The following DYNC2H1 variants were observed in gnomAD, a reference collection of about 807,000 sequenced individuals.
DYNC2H1 encodes the protein dynein cytoplasmic 2 heavy chain 1.
DYNC2H1 carries 410 observed loss-of-function variants against 570.0 expected under a neutral mutation model. The ratio of observed to expected loss-of-function variants is 0.72; its 90% confidence interval spans 0.66 to 0.78. The LOEUF (loss-of-function observed/expected upper bound fraction) is 0.78, where lower values mean the gene tolerates loss of function less well. DYNC2H1 is among the 30% of genes least tolerant of loss of function. The pLI, the probability that DYNC2H1 is intolerant of heterozygous loss-of-function variation, is 0.00. For missense variants in DYNC2H1, 4,865 were observed against 5,046.4 expected, an observed-to-expected ratio of 0.96 and a Z score of 1.09; for synonymous variants, 1,688 against 1,677.6, an observed-to-expected ratio of 1.01 and a Z score of -0.15.
chr11:103,150,377 T>C (rs11225571), intron 20 of DYNC2H1, among the ~76,000 whole-genome samples: 13,297 of 152,126 alleles, frequency 0.087, 757 homozygotes, highest in East Asian at 0.25. Flanking sequence ...TTGTATCATG[T>C]AGTGGTAGTG....
intron 70 of DYNC2H1, among the ~76,000 whole-genome samples, chr11:103,274,137 TATATATATATACACACAC>T (rs1865816651): frequency 1.5e-5 from 2 of 130,792 alleles, no homozygotes. Context: ...TGTGTGTGTA[TATATATATATACACACAC>T]ATATATATAT....
chr11:103,263,908 A>G (rs557337311), intron 70 of DYNC2H1, among the ~76,000 whole-genome samples: 1 of 152,312 alleles, frequency 6.6e-6, no homozygotes, highest in South Asian at 2.1e-4. Context: ...AAAAAAATCA[A>G]TGAATCCAGG....
At chr11:103,214,495 C>T (rs572887670) in intron 54 of DYNC2H1, among the ~76,000 whole-genome samples, 1 of 136,396 alleles carries the variant, frequency 7.3e-6, no homozygotes, top group South Asian at 2.3e-4. Context: ...CCCAGGCTGG[C>T]ATGTAATAGT....
intron 85 of DYNC2H1, 197 bp from the exon 86 acceptor site, chr11:103,454,989 A>G: frequency 2.0e-6 from 1 of 498,940 alleles, no homozygotes; most frequent in East Asian, 3.1e-5. Flanking sequence ...AAGGAATCGT[A>G]TTTAAGATGG....
At position 103,324,041 on chromosome 11, in the gene DYNC2H1, A is replaced by G. The variant is rs1392608133; in HGVS notation, c.12039+51A>G. The G allele has an allele frequency of 1.3e-5, 18 of 1,395,270 alleles. No homozygotes were observed. Among genetic ancestry groups the G allele is most frequent in the Admixed American group, 2.3e-5 (1 of 43,528 alleles). 86.4% of individuals were successfully genotyped at this position (1,395,270 alleles called of 1,614,324 possible). A position where few individuals can be genotyped will look rare whatever the true frequency, so the allele number is the denominator to read the frequency against. On this transcript the variant is annotated intron_variant, in intron 82 of 88. Transcript: ENST00000375735. This position sits in a 1 kb window ranked among gnomAD's most constrained non-coding sequence, Gnocchi z 5.2. ...CAAAAAAAGTTGCTAGTGAGCCTGA[A>G]GGAGACAAAATTAAACTTGATTTAG...
chr11:103,187,245 T>G, intron 42 of DYNC2H1, 95 bp from the exon 43 acceptor site: 1 of 1,507,144 alleles, frequency 6.6e-7, no homozygotes, highest in Non-Finnish European at 8.9e-7. Flanking sequence ...TTTTAGAAAC[T>G]GAAATATTTA....
At chr11:103,339,207 T>G (rs1376303105) in intron 82 of DYNC2H1, among the ~76,000 whole-genome samples, 1 of 151,922 alleles carries the variant, frequency 6.6e-6, no homozygotes, top group East Asian at 2.0e-4. Context: ...CTGCCTTGAG[T>G]TGGGGGAGGG....
rs1945166952 is a variant in DYNC2H1, at chr11:103,465,440, T to A, written c.12649-3149T>A. Among the ~76,000 whole-genome samples, 1 of 150,024 alleles carries A rather than the reference T, an allele frequency of 6.7e-6. No homozygotes were observed. The highest frequency in any genetic ancestry group is 1.5e-5 in the Non-Finnish European group (1 of 67,588). On this transcript the variant is annotated intron_variant, in intron 87 of 88. Coordinates refer to ENST00000375735, the MANE Select transcript of DYNC2H1 (RefSeq NM_001377.3). The surrounding 1 kb of genome is among the most constrained non-coding windows in gnomAD (Gnocchi z 4.9). Reference sequence around the variant, plus strand: ...AAATTTAATGCAATTTCAACCAGTATCCCAAAGTGTGTTTTGTTTTTTTTT... The same window carrying A: ...AAATTTAATGCAATTTCAACCAGTAACCCAAAGTGTGTTTTGTTTTTTTTT...
intron 57 of DYNC2H1, 145 bp from the exon 58 acceptor site, chr11:103,221,885 C>T (rs1014808527): frequency 1.6e-5 from 12 of 743,304 alleles, no homozygotes; most frequent in African/African-American, 5.4e-5. Context: ...AAGGATAATA[C>T]ATTAGAAGCT....
chr11:103,408,585 C>T (rs1436573565), intron 84 of DYNC2H1, among the ~76,000 whole-genome samples: 2 of 151,950 alleles, frequency 1.3e-5, no homozygotes, highest in African/African-American at 2.4e-5. Flanking sequence ...TAGAAACCGA[C>T]CTGGATTACT....
At position 103,233,830 on chromosome 11, in the gene DYNC2H1, A is replaced by ATATGTGTG. The variant is rs1555076328; in HGVS notation, c.9441-203_9441-202insATGTGTGT. On this transcript the variant is annotated intron_variant, in intron 60 of 88. Transcript: ENST00000375735. ...TTTGAGGTAGAGAATGCTACACTTT[A>ATATGTGTG]TGTGTGTGTGTGTGTGTGTGTGTGT... Among the ~76,000 whole-genome samples, 1,452 of 75,844 alleles carry ATATGTGTG rather than the reference A, an allele frequency of 0.019. 40 individuals carry two copies. The highest frequency in any genetic ancestry group is 0.046 in the South Asian group (110 of 2,382). The allele number at this position is 75,844 out of a possible 152,430, so 49.8% of individuals were successfully genotyped here.
rs137948616 is a variant in DYNC2H1 at position 103,316,453 on chromosome 11, A to T, written c.11650-92A>T. ...TCAGGAGTTATATATTTTTAAGTCT[A>T]TATTGATCATTTAATTTAAAGACAG... On this transcript the variant is annotated intron_variant, in intron 79 of 88. Transcript: ENST00000375735. The T allele has an allele frequency of 7.3e-4, 591 of 811,358 alleles. 9 individuals carry two copies. The East Asian group carries it at 0.018, about 25-fold the overall frequency. 50.3% of individuals were successfully genotyped at this position (811,358 alleles called of 1,614,324 possible). A position where few individuals can be genotyped will look rare whatever the true frequency, so the allele number is the denominator to read the frequency against.
At chr11:103,196,604 A>G (rs72989781) in intron 47 of DYNC2H1, among the ~76,000 whole-genome samples, 7,555 of 152,260 alleles carry the variant, frequency 0.05, 253 homozygotes, top group Non-Finnish European at 0.071. Context: ...AAAAGATTAA[A>G]TGATTCGGGG....
In DYNC2H1 at chr11:103,239,713, T is replaced by TC. The variant is rs1026572122; in HGVS notation, c.9819+3175dup. On this transcript the variant is annotated intron_variant, in intron 63 of 88. Coordinates refer to ENST00000375735, the MANE Select transcript of DYNC2H1 (RefSeq NM_001377.3). This position sits in a 1 kb window ranked among gnomAD's most constrained non-coding sequence, Gnocchi z 4.3. Reference sequence around the variant, plus strand: ...TATTTTATATTCTTGTTAATGTAACTCTCCTTAGTGAATCAAGAGTTAGGC... The same window carrying TC: ...TATTTTATATTCTTGTTAATGTAACTCCTCCTTAGTGAATCAAGAGTTAGGC... 1.0e-3 allele frequency among the ~76,000 whole-genome samples: 152 copies of TC among 152,072 alleles called. No individual in the cohort carries two copies. The highest frequency in any genetic ancestry group is 3.4e-3 in the African/African-American group (140 of 41,482).
At chr11:103,248,318 G>C (rs1201833264) in intron 65 of DYNC2H1, among the ~76,000 whole-genome samples, 1 of 151,948 alleles carries the variant, frequency 6.6e-6, no homozygotes, top group Non-Finnish European at 1.5e-5. Context: ...TAATGGAATG[G>C]AATTTGGACC....
In DYNC2H1 at chr11:103,264,580, A is replaced by G. The variant is rs11500953; in HGVS notation, c.10695+4603A>G. Among the ~76,000 whole-genome samples the G allele has an allele frequency of 0.076, 11,639 of 152,248 alleles. 1,458 individuals carry two copies. Among genetic ancestry groups the G allele is most frequent in the African/African-American group, 0.26 (10,938 of 41,506 alleles). ...TATAATCCATGACATGAACAGAACT[A>G]ATGACAAAAACCACATGATTATCTC... On this transcript the variant is annotated intron_variant, in intron 70 of 88. Transcript: ENST00000375735. This position sits in a 1 kb window ranked among gnomAD's most constrained non-coding sequence, Gnocchi z 4.8.
At chr11:103,167,750 A>G (rs970870028) in intron 31 of DYNC2H1, among the ~76,000 whole-genome samples, 3 of 152,174 alleles carry the variant, frequency 2.0e-5, no homozygotes, top group African/African-American at 7.2e-5. Context: ...TTTTGTTTAA[A>G]TCCTCTGGAG....
At position 103,160,966 on chromosome 11, in the gene DYNC2H1, A is replaced by C. The variant is rs1315079519; in HGVS notation, c.4413A>C (p.Lys1471Asn). The C allele has an allele frequency of 2.6e-6, 4 of 1,568,472 alleles. No homozygotes were observed. The highest frequency in any genetic ancestry group is 3.4e-6 in the Non-Finnish European group (4 of 1,160,954). Reference protein sequence around the residue: ...INSVCFDEKSKHITAMKSLEG... With the variant: ...INSVCFDEKSNHITAMKSLEG... ...GTGTTTGCTTTGATGAGAAATCAAA[A>C]CATATAACTGCAATGAAATCTTTAG... The change falls in exon 29 of 89, where the codon AAA (lysine) becomes AAC (asparagine). Residue 1471 changes from lysine (K) to asparagine (N), a missense_variant. Lys to Asn is a moderately conservative substitution (Grantham distance 94, BLOSUM62 0). This residue lies in a region of DYNC2H1 where 1,936 missense variants were observed against 1,962.1 expected (regional missense o/e 0.99). Coordinates refer to ENST00000375735, the MANE Select transcript of DYNC2H1 (RefSeq NM_001377.3).
At chr11:103,429,260 C>T (rs1943800075) in intron 84 of DYNC2H1, among the ~76,000 whole-genome samples, 1 of 148,010 alleles carries the variant, frequency 6.8e-6, no homozygotes, top group African/African-American at 2.4e-5. Context: ...GACCCTGTCT[C>T]AAAAAAAAAA....
Sources: gnomAD v4.1 joint callset for allele counts (sites outside exome capture counted in the v4.1 genomes callset) on GRCh38, gnomAD v4.1.1 for gene constraint, gnomAD v4.1.1 regional missense constraint, Gnocchi (gnomAD v3.1) non-coding constraint, MANE v1.5 for transcripts, NCBI Gene and HGNC (gene_info 2026-07-23, HGNC 2026-07-21) for gene names.